The following TOB2 variants were observed in gnomAD, a reference collection of about 807,000 sequenced individuals.
TOB2 encodes protein Tob2.
TOB2 carries 3 observed loss-of-function variants against 17.3 expected under a neutral mutation model. The observed-to-expected ratio is 0.17, with a 90% CI of 0.08 to 0.45. TOB2 has a LOEUF of 0.45. Ranked by LOEUF, TOB2 falls within the 20% of genes least tolerant of loss-of-function variation. The pLI, the probability that TOB2 is intolerant of heterozygous loss-of-function variation, is 0.99. For missense variants in TOB2, 407 were observed against 445.7 expected (o/e 0.91, Z 0.78); for synonymous variants, 163 against 185.6 (o/e 0.88, Z 0.99).
intron 1 of TOB2, among the ~76,000 whole-genome samples, chr22:41,443,926 G>A (rs1425079629): frequency 6.6e-6 from 1 of 152,134 alleles, no homozygotes; most frequent in South Asian, 2.1e-4. Context: ...GCACCCGGCC[G>A]GAAGGTTTTT....
rs370123076 is a variant in TOB2 at position 41,436,296 on chromosome 22, C to A, written c.*15G>T. 2 of 1,537,592 alleles carry A rather than the reference C, an allele frequency of 1.3e-6. No individual in the cohort carries two copies. The highest frequency in any genetic ancestry group is 4.5e-5 in the East Asian group (2 of 44,158). On this transcript the variant is annotated 3_prime_UTR_variant, in exon 2 of 2. Transcript: ENST00000327492. This position sits in a 1 kb window ranked among gnomAD's most constrained non-coding sequence, Gnocchi z 4.8. ...GTGGTCTTGGGTGCTCCTGGCCCCA[C>A]GGGCAGGTAGATGGTCAGTTGGCCA...
At position 41,434,961 on chromosome 22, in the gene TOB2, A is replaced by C. The variant is rs1391852736; in HGVS notation, c.*1350T>G. The C allele has an allele frequency of 1.3e-5, 2 of 153,198 alleles. No homozygotes were observed. The highest frequency in any genetic ancestry group is 2.9e-5 in the Non-Finnish European group (2 of 68,522). The allele number at this position is 153,198 out of a possible 1,614,324, so 9.5% of individuals were successfully genotyped here. On this transcript the variant is annotated 3_prime_UTR_variant, in exon 2 of 2. Transcript: ENST00000327492. Reference sequence around the variant, plus strand: ...GGCAAGAGGTACCAAGAAGCTCTCAACCAGGCAGGGGCACAAATGCACTCA... The same window carrying C: ...GGCAAGAGGTACCAAGAAGCTCTCACCCAGGCAGGGGCACAAATGCACTCA...
At position 41,436,345 on chromosome 22, in the gene TOB2, C is replaced by T. The variant is rs201576232; in HGVS notation, c.1001G>A (p.Ser334Asn). The T allele has an allele frequency of 2.4e-5, 39 of 1,599,346 alleles. No homozygotes were observed. The South Asian group carries it at 3.9e-4, about 16-fold the overall frequency. Residue 334 changes from serine to asparagine, a missense_variant, in exon 2 of 2, where the codon AGC becomes AAC. Transcript: ENST00000327492. The surrounding 1 kb of genome is among the most constrained non-coding windows in gnomAD (Gnocchi z 4.8). ...CAGCACCACGGGCTGGAACTGCTGGCTGGGATACTGCATGGTGTTCAGGTT... is the reference window on the plus strand; with the variant it reads ...CAGCACCACGGGCTGGAACTGCTGGTTGGGATACTGCATGGTGTTCAGGTT... ...SYNLNTMQYP[S>N]QQFQPVVLAN
chr22:41,438,529 T>C (rs976328522), intron 1 of TOB2, among the ~76,000 whole-genome samples: 18 of 115,246 alleles, frequency 1.6e-4, no homozygotes, highest in Admixed American at 1.2e-3. Flanking sequence ...ACCCGGGAGG[T>C]TGAGGTAGGA....
chr22:41,433,957 CTTT>C lies in TOB2; in HGVS notation c.*2351_*2353del. On this transcript the variant is annotated 3_prime_UTR_variant, in exon 2 of 2. Transcript: ENST00000327492. Reference sequence around the variant, plus strand: ...TCCTGAAAAAATATGTTTCTCTCATCTTTTTAAGAAAAAATCTTGAAAAGAAAA... The same window carrying C: ...TCCTGAAAAAATATGTTTCTCTCATCTTAAGAAAAAATCTTGAAAAGAAAA... 1 of 228,340 alleles carries C rather than the reference CTTT, an allele frequency of 4.4e-6. No homozygotes were observed. The highest frequency in any genetic ancestry group is 9.1e-6 in the Non-Finnish European group (1 of 109,838). 14.1% of individuals were successfully genotyped at this position (228,340 alleles called of 1,614,324 possible).
intron 1 of TOB2, among the ~76,000 whole-genome samples, chr22:41,444,715 T>C (rs190193104): frequency 3.3e-4 from 50 of 152,342 alleles, no homozygotes; most frequent in Admixed American, 3.3e-3. Context: ...CCAAAAGGCC[T>C]ACTCCCCGTA....
At chr22:41,439,462 T>A (rs990475674) in intron 1 of TOB2, among the ~76,000 whole-genome samples, 3 of 150,640 alleles carry the variant, frequency 2.0e-5, no homozygotes, top group African/African-American at 7.3e-5. Flanking sequence ...TTAAGGGGCA[T>A]TTAATTTAAT....
At chr22:41,440,463 G>A (rs1482826286) in intron 1 of TOB2, among the ~76,000 whole-genome samples, 1 of 151,542 alleles carries the variant, frequency 6.6e-6, no homozygotes, top group African/African-American at 2.4e-5. Context: ...ACCCAAGCTA[G>A]GGTGCAGGAT....
In TOB2 at chr22:41,442,440, A is replaced by G. The variant is rs561039383; in HGVS notation, c.-63+3939T>C. Among the ~76,000 whole-genome samples the G allele has an allele frequency of 2.6e-5, 4 of 152,354 alleles. No homozygotes were observed. The South Asian group carries it at 8.3e-4, about 32-fold the overall frequency. ...TAAGCCTCCCACCCCAAAATACAAT[A>G]GAACCACTGTCATCAGCCCTGCCTA... is the stretch of plus-strand genomic sequence containing the variant. On this transcript the variant is annotated intron_variant, in intron 1 of 1. Transcript: ENST00000327492.
Position 41,436,778 on chromosome 22 carries a change from T to C in TOB2, c.568A>G (p.Lys190Glu). 3 of 1,613,924 alleles carry C rather than the reference T, an allele frequency of 1.9e-6. No homozygotes were observed. Among genetic ancestry groups the C allele is most frequent in the Non-Finnish European group, 2.5e-6 (3 of 1,179,888 alleles). The change falls in exon 2 of 2, where the codon AAG becomes GAG. Residue 190 changes from lysine to glutamate, a missense_variant. Transcript: ENST00000327492. The surrounding 1 kb of genome is among the most constrained non-coding windows in gnomAD (Gnocchi z 4.8). ...SFAATKFGST[K>E]MKKGGGAASG... Reference sequence around the variant, plus strand: ...GCTGCCCCGCCCCCCTTCTTCATCTTAGTGGAGCCAAATTTGGTGGCAGCG... The same window carrying C: ...GCTGCCCCGCCCCCCTTCTTCATCTCAGTGGAGCCAAATTTGGTGGCAGCG...
chr22:41,434,626 T>A lies in TOB2; in HGVS notation c.*1685A>T, dbSNP rs1214082598. 5 of 152,696 alleles carry A rather than the reference T, an allele frequency of 3.3e-5. No individual in the cohort carries two copies. The highest frequency in any genetic ancestry group is 1.2e-4 in the African/African-American group (5 of 41,454). 9.5% of individuals were successfully genotyped at this position (152,696 alleles called of 1,614,324 possible). The stretch of plus-strand genomic sequence containing the variant: ...TGGACCCACTGCCATAACAGTTGCC[T>A]ACTTGGGGTCCCTGGGTAGGATGGA... On this transcript the variant is annotated 3_prime_UTR_variant, in exon 2 of 2. Coordinates refer to ENST00000327492, the MANE Select transcript of TOB2 (RefSeq NM_016272.4).
intron 1 of TOB2, among the ~76,000 whole-genome samples, chr22:41,439,673 G>A (rs2037592707): frequency 6.6e-6 from 1 of 152,014 alleles, no homozygotes; most frequent in South Asian, 2.1e-4. Context: ...CCGTCACCAC[G>A]CCTGGCTAGT....
At position 41,446,792 on chromosome 22, in the gene TOB2, C is replaced by CG. The variant is rs2037695627; in HGVS notation, c.-477dup. 2.0e-5 allele frequency: 3 copies of CG among 152,820 alleles called. No homozygotes were observed. The highest frequency in any genetic ancestry group is 7.2e-5 in the African/African-American group (3 of 41,574). The allele number at this position is 152,820 out of a possible 1,614,324, so 9.5% of individuals were successfully genotyped here. Reference sequence around the variant, plus strand: ...ACCCGCACCTTCCCGCGCCCCGGCCCGAAGTGAGCAAAGTCAATGAAAAGT... The same window carrying CG: ...ACCCGCACCTTCCCGCGCCCCGGCCCGGAAGTGAGCAAAGTCAATGAAAAGT... On this transcript the variant is annotated 5_prime_UTR_variant, in exon 1 of 2. Coordinates refer to ENST00000327492, the MANE Select transcript of TOB2 (RefSeq NM_016272.4).
At position 41,443,381 on chromosome 22, in the gene TOB2, G is replaced by A. The variant is rs571630815; in HGVS notation, c.-63+2998C>T. On this transcript the variant is annotated intron_variant, in intron 1 of 1. Coordinates refer to ENST00000327492, the MANE Select transcript of TOB2 (RefSeq NM_016272.4). ...TAGCCCAGAGCTGGAGTGCAATGGC[G>A]CCATCTTGGCTCACTGCAACCTCCG... Among the ~76,000 whole-genome samples the A allele has an allele frequency of 3.3e-4, 50 of 152,052 alleles. 1 individual carries two copies. Among genetic ancestry groups the A allele is most frequent in the Non-Finnish European group, 4.1e-4 (28 of 68,018 alleles).
rs763603442 is a variant in TOB2, at chr22:41,436,991, C to T, written c.355G>A (p.Gly119Ser). ...TTGTCCAGCTCTGGGGCACCGCAACCCTCACTGTCATCCAGGTACAGCACT... is the reference window on the plus strand; with the variant it reads ...TTGTCCAGCTCTGGGGCACCGCAACTCTCACTGTCATCCAGGTACAGCACT... ...VKVLYLDDSEGCGAPELDKEI... is the reference protein window; with the variant it reads ...VKVLYLDDSESCGAPELDKEI... Residue 119 changes from glycine to serine, a missense_variant, in exon 2 of 2, where the codon GGT becomes AGT. By Grantham distance (56) the Gly-to-Ser change is moderately conservative. Coordinates refer to ENST00000327492, the MANE Select transcript of TOB2 (RefSeq NM_016272.4). The surrounding 1 kb of genome is among the most constrained non-coding windows in gnomAD (Gnocchi z 4.8). The T allele has an allele frequency of 1.9e-6, 3 of 1,614,018 alleles. No homozygotes were observed. The highest frequency in any genetic ancestry group is 2.7e-5 in the African/African-American group (2 of 74,896).
chr22:41,443,082 T>C (rs181281469), intron 1 of TOB2, among the ~76,000 whole-genome samples: 64 of 152,328 alleles, frequency 4.2e-4, no homozygotes, highest in South Asian at 1.0e-3. Context: ...TTATCCTCAC[T>C]TGTTTACTTC....
At chr22:41,439,890 T>A (rs2037594725) in intron 1 of TOB2, among the ~76,000 whole-genome samples, 1 of 152,014 alleles carries the variant, frequency 6.6e-6, no homozygotes, top group South Asian at 2.1e-4. Context: ...ACTCACTGGG[T>A]CAATCTGGAG....
At chr22:41,439,492 T>C (rs1422204125) in intron 1 of TOB2, among the ~76,000 whole-genome samples, 2 of 69,914 alleles carry the variant, frequency 2.9e-5, no homozygotes, top group African/African-American at 1.4e-4. Context: ...CGTATGTATG[T>C]ATGTATGTAT....
chr22:41,442,935 G>A (rs557004621), intron 1 of TOB2, among the ~76,000 whole-genome samples: 8 of 152,336 alleles, frequency 5.3e-5, no homozygotes, highest in African/African-American at 1.9e-4. Flanking sequence ...TAACCCCAGT[G>A]TAGGCACAAA....
Sources: gnomAD v4.1 joint callset for allele counts (sites outside exome capture counted in the v4.1 genomes callset) on GRCh38, gnomAD v4.1.1 for gene constraint, Gnocchi (gnomAD v3.1) non-coding constraint, MANE v1.5 for transcripts, NCBI Gene and HGNC (gene_info 2026-07-23, HGNC 2026-07-21) for gene names.